RP1: variants seen among roughly 807,000 people sequenced by gnomAD.
RP1 encodes the protein oxygen-regulated protein 1.
A neutral mutation model predicts 14.8 loss-of-function variants in RP1; 16 were observed. That is an observed-to-expected ratio of 1.08 (90% confidence interval 0.73 to 1.65). The LOEUF (loss-of-function observed/expected upper bound fraction) is 1.65, where lower values mean the gene tolerates loss of function less well. RP1 is among the 40% of genes most tolerant of loss of function. RP1 has a pLI of 0.00. For synonymous variants in RP1, 876 were observed against 883.6 expected, an observed-to-expected ratio of 0.99 and a Z score of 0.15; for missense variants, 2,631 against 2,535.0, an observed-to-expected ratio of 1.04 and a Z score of -0.81.
intron 1 of RP1, among the ~76,000 whole-genome samples, chr8:54,608,478 G>A (rs1442887112): frequency 6.6e-6 from 1 of 152,040 alleles, no homozygotes; most frequent in Non-Finnish European, 1.5e-5. Flanking sequence ...TTGGCCGAAA[G>A]AATAGCATGA....
At chr8:54,782,820 T>C (rs969585022) in intron 23 of RP1, among the ~76,000 whole-genome samples, 4 of 152,176 alleles carry the variant, frequency 2.6e-5, no homozygotes, top group Non-Finnish European at 5.9e-5. Flanking sequence ...TTTCCTGTCA[T>C]GCTCTGCTTG....
intron 25 of RP1, among the ~76,000 whole-genome samples, chr8:54,850,416 CCTT>C (rs1284407863): frequency 6.6e-6 from 1 of 152,192 alleles, no homozygotes; most frequent in East Asian, 1.9e-4. Flanking sequence ...GAGTTCATCT[CCTT>C]CTATATATCC....
At chr8:54,756,915 A>G (rs1307003715) in intron 21 of RP1, among the ~76,000 whole-genome samples, 1 of 152,160 alleles carries the variant, frequency 6.6e-6, no homozygotes, top group East Asian at 1.9e-4. Context: ...TTTTCCAGAC[A>G]GTAGGGAGGG....
At chr8:54,599,578 C>G (rs2129304022) in intron 1 of RP1, among the ~76,000 whole-genome samples, 1 of 152,190 alleles carries the variant, frequency 6.6e-6, no homozygotes, top group South Asian at 2.1e-4. Flanking sequence ...CATGGCTCAG[C>G]CTCCCGAGTA....
intron 15 of RP1, among the ~76,000 whole-genome samples, chr8:54,712,064 A>G (rs1231901119): frequency 6.6e-6 from 1 of 152,160 alleles, no homozygotes; most frequent in African/African-American, 2.4e-5. Flanking sequence ...TCTTTCCTCC[A>G]GGTATGAAGT....
chr8:54,667,536 T>C (rs1190833934), intron 7 of RP1, among the ~76,000 whole-genome samples: 1 of 152,112 alleles, frequency 6.6e-6, no homozygotes, highest in Non-Finnish European at 1.5e-5. Flanking sequence ...ACTTCCTTTT[T>C]GAAGCTGGAG....
intron 3 of RP1, among the ~76,000 whole-genome samples, chr8:54,643,146 A>G (rs1806482517): frequency 6.6e-6 from 1 of 152,120 alleles, no homozygotes; most frequent in Non-Finnish European, 1.5e-5. Flanking sequence ...GTTTAAAACA[A>G]TTTTACCATT....
At chr8:54,709,379 A>G (rs1429051890) in intron 15 of RP1, among the ~76,000 whole-genome samples, 1 of 152,210 alleles carries the variant, frequency 6.6e-6, no homozygotes, top group African/African-American at 2.4e-5. Flanking sequence ...GAAGGGCTTC[A>G]CAGGATGAAA....
chr8:54,833,599 C>A (rs749917785), intron 24 of RP1, among the ~76,000 whole-genome samples: 7 of 151,980 alleles, frequency 4.6e-5, no homozygotes, highest in South Asian at 4.1e-4. Context: ...TATCAGGGGA[C>A]CTTGGCTTTA....
At chr8:54,870,223 C>T (rs1051206779) in exon 29 of RP1, 2 of 288,142 alleles carry the variant, frequency 6.9e-6, no homozygotes, top group Non-Finnish European at 1.3e-5. Context: ...CCCTTCCTCC[C>T]CACTCTTCCC....
intron 23 of RP1, among the ~76,000 whole-genome samples, chr8:54,777,880 G>A (rs1453350888): frequency 6.6e-6 from 1 of 152,022 alleles, no homozygotes; most frequent in Admixed American, 6.6e-5. Flanking sequence ...TCAATTATGA[G>A]GCAAATAACA....
intron 18 of RP1, among the ~76,000 whole-genome samples, chr8:54,738,518 A>C (rs1808992773): frequency 6.6e-6 from 1 of 152,034 alleles, no homozygotes; most frequent in African/African-American, 2.4e-5. Context: ...CTAGACTCAC[A>C]CTTTTCTTAA....
chr8:54,608,409 C>G (rs1478834333), intron 1 of RP1, among the ~76,000 whole-genome samples: 1 of 152,112 alleles, frequency 6.6e-6, no homozygotes, highest in Non-Finnish European at 1.5e-5. Flanking sequence ...CATATAGAAG[C>G]CCTCTCTGCC....
chr8:54,712,222 G>A (rs1373748441), intron 15 of RP1, among the ~76,000 whole-genome samples: 5 of 152,180 alleles, frequency 3.3e-5, no homozygotes, highest in African/African-American at 1.2e-4. Context: ...AGACAGGGGA[G>A]AGGGAATTTC....
intron 25 of RP1, among the ~76,000 whole-genome samples, chr8:54,845,483 C>T (rs113598207): frequency 0.013 from 1,986 of 152,274 alleles, 52 homozygotes; most frequent in African/African-American, 0.044. Flanking sequence ...GAAACCAAGA[C>T]GCCCGGTGCA....
chr8:54,679,888 C>G (rs1563345641), exon 12 of RP1: 1 of 1,535,998 alleles, frequency 6.5e-7, no homozygotes, highest in East Asian at 2.4e-5. Flanking sequence ...CCGTTTGCAT[C>G]CAGATGGCAC....
At chr8:54,726,122 G>A (rs1808648917) in intron 16 of RP1, among the ~76,000 whole-genome samples, 1 of 152,126 alleles carries the variant, frequency 6.6e-6, no homozygotes, top group Non-Finnish European at 1.5e-5. Flanking sequence ...GATTTGCAAA[G>A]CAATGAGTAG....
rs555940403 is a variant in RP1, at chr8:54,867,136, C to T, written c.4151+1220C>T. Reference sequence around the variant, plus strand: ...AGTAGGTGGCTCAGCATCACTATTCCCTAAAGTGAGGGACACTCTTCAGAT... The same window carrying T: ...AGTAGGTGGCTCAGCATCACTATTCTCTAAAGTGAGGGACACTCTTCAGAT... On this transcript the variant is annotated intron_variant, in intron 28 of 28. Coordinates refer to the RP1 transcript ENST00000637698. 4.6e-3 allele frequency among the ~76,000 whole-genome samples: 698 copies of T among 152,118 alleles called. 5 individuals carry two copies. Among genetic ancestry groups the T allele is most frequent in the African/African-American group, 0.016 (660 of 41,488 alleles).
chr8:54,586,127 T>A (rs1363481620), intron 1 of RP1, among the ~76,000 whole-genome samples: 3 of 152,208 alleles, frequency 2.0e-5, no homozygotes, highest in African/African-American at 7.2e-5. Flanking sequence ...TCTTTGTGGT[T>A]TTATCTACCT....
Sources: gnomAD v4.1 joint callset for allele counts (sites outside exome capture counted in the v4.1 genomes callset) on GRCh38, gnomAD v4.1.1 for gene constraint, MANE v1.5 for transcripts, NCBI Gene and HGNC (gene_info 2026-07-23, HGNC 2026-07-21) for gene names.